CYP2S1: variants seen among roughly 807,000 people sequenced by gnomAD.
The protein encoded by CYP2S1 is cytochrome P450 family 2 subfamily S member 1, also known as cytochrome P450 2S1.
In CYP2S1, 32 loss-of-function variants were observed where a neutral mutation model predicts 43.5. That is an observed-to-expected ratio of 0.74 (90% confidence interval 0.56 to 0.99). The LOEUF is 0.99. Among genes scored for constraint, CYP2S1 ranks in the 50% least tolerant of loss-of-function variants. The pLI, the probability that CYP2S1 is intolerant of heterozygous loss-of-function variation, is 0.00. For synonymous variants in CYP2S1, 283 were observed against 302.9 expected, an observed-to-expected ratio of 0.93 and a Z score of 0.68; for missense variants, 575 against 673.9, an observed-to-expected ratio of 0.85 and a Z score of 1.62.
rs1207802892 is a variant in CYP2S1 at position 41,198,981 on chromosome 19, C to T, written c.834+93C>T. ...GTCCCTGGGGACCTCAATTGGGTTC[C>T]TCTCTCTTTCTCTCTCTGCATGTCT... On this transcript the variant is annotated intron_variant, in intron 5 of 8. Transcript: ENST00000310054. The surrounding 1 kb of genome is among the most constrained non-coding windows in gnomAD (Gnocchi z 4.9). 5.1e-6 allele frequency: 7 copies of T among 1,368,362 alleles called. No individual in the cohort carries two copies. Among genetic ancestry groups the T allele is most frequent in the Non-Finnish European group, 5.9e-6 (6 of 1,022,064 alleles). 84.8% of individuals were successfully genotyped at this position (1,368,362 alleles called of 1,614,324 possible).
rs2033385968 is a variant in CYP2S1 at position 41,194,571 on chromosome 19, A to G, written c.205A>G (p.Thr69Ala). ...RLSKKYGPVF[T>A]IYLGPWRPVV... The stretch of plus-strand genomic sequence containing the variant: ...GAGTAAGAAGTACGGACCGGTGTTC[A>G]CCATCTACCTGGGACCCTGGCGGCC... Residue 69 changes from threonine to alanine, a missense_variant, in exon 2 of 9, where the codon ACC becomes GCC. Physicochemically the swap from Thr to Ala is moderately conservative, Grantham distance 58 (BLOSUM62 0). Around this residue, in one of 2 missense-constraint regions of CYP2S1, gnomAD observed 353 missense variants for 367.6 expected, o/e 0.96. Coordinates refer to ENST00000310054, the MANE Select transcript of CYP2S1 (RefSeq NM_030622.8). 2 of 1,602,938 alleles carry G rather than the reference A, an allele frequency of 1.2e-6. No homozygotes were observed. The highest frequency in any genetic ancestry group is 2.7e-5 in the African/African-American group (2 of 74,322).
At chr19:41,200,971 G>A (rs545528045) in intron 5 of CYP2S1, among the ~76,000 whole-genome samples, 11 of 152,090 alleles carry the variant, frequency 7.2e-5, no homozygotes, top group Non-Finnish European at 7.4e-5. Context: ...CCAGCTACTC[G>A]GGAGGCTGAG....
In CYP2S1 at chr19:41,207,015, AC is replaced by A; in HGVS notation, c.*528del. Reference sequence around the variant, plus strand: ...TCATGCTCCCTCTCTTGGCTACACCACTCTCCCAGCCTGTGACCACCGATGT... The same window carrying A: ...TCATGCTCCCTCTCTTGGCTACACCATCTCCCAGCCTGTGACCACCGATGT... On this transcript the variant is annotated 3_prime_UTR_variant, in exon 9 of 9. Transcript: ENST00000310054. 1 of 207,564 alleles carries A rather than the reference AC, an allele frequency of 4.8e-6. No homozygotes were observed. The highest frequency in any genetic ancestry group is 1.0e-5 in the Non-Finnish European group (1 of 100,436). The allele number at this position is 207,564 out of a possible 1,614,324, so 12.9% of individuals were successfully genotyped here.
chr19:41,197,256 G>C (rs534929464), intron 2 of CYP2S1, among the ~76,000 whole-genome samples: 60 of 152,152 alleles, frequency 3.9e-4, no homozygotes, highest in Non-Finnish European at 7.2e-4. Flanking sequence ...TACTTTTCAG[G>C]AGAATGTACT....
chr19:41,201,448 A>G (rs2033488564), intron 6 of CYP2S1, 76 bp downstream of exon 6: 4 of 1,545,208 alleles, frequency 2.6e-6, no homozygotes, highest in South Asian at 2.5e-5. Context: ...GCTCACGCCT[A>G]TAATCCCAGC....
At position 41,193,382 on chromosome 19, in the gene CYP2S1, C is replaced by T; in HGVS notation, c.118C>T (p.Pro40Ser). Residue 40 changes from proline to serine, a missense_variant, in exon 1 of 9, where the codon CCA becomes TCA. Transcript: ENST00000310054. ...CCTGCCCCCCGGGCCCACGCCGCTA[C>T]CACTGCTGGGAAACCTCCTGCAGCT... ...GHLPPGPTPLPLLGNLLQLRP... is the reference protein window; with the variant it reads ...GHLPPGPTPLSLLGNLLQLRP... The T allele has an allele frequency of 6.5e-7, 1 of 1,531,936 alleles. No individual in the cohort carries two copies. 94.9% of individuals were successfully genotyped at this position (1,531,936 alleles called of 1,614,324 possible).
intron 7 of CYP2S1, among the ~76,000 whole-genome samples, chr19:41,205,320 C>A (rs539441966): frequency 2.3e-5 from 3 of 127,902 alleles, no homozygotes; most frequent in South Asian, 2.7e-4. Context: ...AACTACTATT[C>A]TTTGCCTTTC....
At chr19:41,200,518 G>A (rs1453432242) in intron 5 of CYP2S1, among the ~76,000 whole-genome samples, 1 of 152,024 alleles carries the variant, frequency 6.6e-6, no homozygotes, top group Non-Finnish European at 1.5e-5. Context: ...GACTACAGGT[G>A]CCCGTCACCA....
intron 8 of CYP2S1, 36 bp from the exon 9 acceptor site, chr19:41,206,244 C>G (rs58401656): frequency 6.2e-7 from 1 of 1,609,644 alleles, no homozygotes; most frequent in Admixed American, 1.7e-5. Context: ...GTGAGGAATA[C>G]TGACTCAGCC....
rs2033589700 is a variant in CYP2S1, at chr19:41,206,949, G to GT, written c.*461_*462insT. On this transcript the variant is annotated 3_prime_UTR_variant, in exon 9 of 9. Transcript: ENST00000310054. ...ACAGGGAACAGCATGCCCCCTCCGG[G>GT]GTCATGCCACCCAGAGACTGTCGCT... 6 of 375,156 alleles carry GT rather than the reference G, an allele frequency of 1.6e-5. No homozygotes were observed. The highest frequency in any genetic ancestry group is 6.4e-5 in the Admixed American group (2 of 31,050). 23.2% of individuals were successfully genotyped at this position (375,156 alleles called of 1,614,324 possible).
chr19:41,203,349 C>G, intron 6 of CYP2S1, 101 bp from the exon 7 acceptor site: 4 of 1,344,290 alleles, frequency 3.0e-6, no homozygotes, highest in Non-Finnish European at 3.9e-6. Flanking sequence ...CCCCACCTGT[C>G]AGCCTCACCC....
At chr19:41,204,394 C>T (rs897060392) in intron 7 of CYP2S1, among the ~76,000 whole-genome samples, 13 of 145,706 alleles carry the variant, frequency 8.9e-5, no homozygotes, top group Admixed American at 5.4e-4. Context: ...GACACATTCT[C>T]TCCTCTGTCT....
rs779098377 is a variant in CYP2S1 at position 41,203,435 on chromosome 19, TC to T, written c.977-13del. 2.8e-5 allele frequency: 45 copies of T among 1,581,998 alleles called. No homozygotes were observed. The highest frequency in any genetic ancestry group is 3.9e-5 in the Non-Finnish European group (45 of 1,162,618). ...CCCTACCCCCGTCTGACTCCTGCCC[TC>T]CTCTTGCTTGCAGAGTGGGTACGTG... On this transcript the variant is annotated splice_polypyrimidine_tract_variant and intron_variant, in intron 6 of 8. Coordinates refer to ENST00000310054, the MANE Select transcript of CYP2S1 (RefSeq NM_030622.8).
At chr19:41,194,032 C>A (rs1599710933) in intron 1 of CYP2S1, among the ~76,000 whole-genome samples, 1 of 152,154 alleles carries the variant, frequency 6.6e-6, no homozygotes, top group East Asian at 1.9e-4. Context: ...GAGGCAGCCC[C>A]AGCCTTAGGG....
At chr19:41,199,132 G>C (rs1043586424) in intron 5 of CYP2S1, among the ~76,000 whole-genome samples, 1 of 152,082 alleles carries the variant, frequency 6.6e-6, no homozygotes. Flanking sequence ...CGGGCTGTCT[G>C]TCTCTCCAGC....
intron 6 of CYP2S1, among the ~76,000 whole-genome samples, chr19:41,203,043 C>G (rs1405605036): frequency 6.6e-6 from 1 of 151,606 alleles, no homozygotes; most frequent in Non-Finnish European, 1.5e-5. Context: ...GGAGTTGCAG[C>G]AAGCCAGGAT....
rs561448837 is a variant in CYP2S1, at chr19:41,206,798, C to T, written c.*310C>T. The T allele has an allele frequency of 5.3e-6, 3 of 564,650 alleles. No individual in the cohort carries two copies. The highest frequency in any genetic ancestry group is 4.4e-5 in the Admixed American group (2 of 45,946). 35.0% of individuals were successfully genotyped at this position (564,650 alleles called of 1,614,324 possible). A position where few individuals can be genotyped will look rare whatever the true frequency, so the allele number is the denominator to read the frequency against. On this transcript the variant is annotated 3_prime_UTR_variant, in exon 9 of 9. Transcript: ENST00000310054. Reference sequence around the variant, plus strand: ...AGGTAACCCACCAACTCCCCTGGATCTGCAGCCCACACGTGGGAGTCTGGC... The same window carrying T: ...AGGTAACCCACCAACTCCCCTGGATTTGCAGCCCACACGTGGGAGTCTGGC...
In CYP2S1 at chr19:41,207,468, G is replaced by A. The variant is rs14477; in HGVS notation, c.*980G>A. On this transcript the variant is annotated 3_prime_UTR_variant, in exon 9 of 9. Coordinates refer to ENST00000310054, the MANE Select transcript of CYP2S1 (RefSeq NM_030622.8). ...TCCAATTCACCCTGTCAGGGAGTGA[G>A]CCGGATCTGACGTTCCTTGTGACTT... The A allele has an allele frequency of 0.035, 5,451 of 154,416 alleles. 135 individuals are homozygous for A. The highest frequency in any genetic ancestry group is 0.065 in the Middle Eastern group (19 of 294). 9.6% of individuals were successfully genotyped at this position (154,416 alleles called of 1,614,324 possible). A position where few individuals can be genotyped will look rare whatever the true frequency, so the allele number is the denominator to read the frequency against.
intron 1 of CYP2S1, 70 bp from the exon 2 acceptor site, chr19:41,194,474 G>A: frequency 2.0e-6 from 3 of 1,476,446 alleles, no homozygotes; most frequent in South Asian, 3.0e-5. Context: ...CAAGTGACAG[G>A]GGCCATGATG....
Sources: gnomAD v4.1 joint callset for allele counts (sites outside exome capture counted in the v4.1 genomes callset) on GRCh38, gnomAD v4.1.1 for gene constraint, gnomAD v4.1.1 regional missense constraint, Gnocchi (gnomAD v3.1) non-coding constraint, MANE v1.5 for transcripts, NCBI Gene and HGNC (gene_info 2026-07-23, HGNC 2026-07-21) for gene names.